The following C8B variants were observed in gnomAD, a reference collection of about 807,000 sequenced individuals.
The protein encoded by C8B is complement C8 beta chain.
C8B carries 67 observed loss-of-function variants against 64.6 expected under a neutral mutation model. The ratio of observed to expected loss-of-function variants is 1.04; its 90% CI spans 0.85 to 1.27. The LOEUF is 1.27. Among genes scored for constraint, C8B ranks in the 50% most tolerant of loss-of-function variants. The probability of loss-of-function intolerance (pLI) is 0.00; values close to 1 mark genes in which losing one functional copy is unlikely to be tolerated. For synonymous variants in C8B, 284 were observed against 257.7 expected (o/e 1.10, Z -0.98); for missense variants, 790 against 725.2 (o/e 1.09, Z -1.03).
intron 1 of C8B, among the ~76,000 whole-genome samples, chr1:56,962,755 C>T (rs1455574972): frequency 1.3e-5 from 2 of 152,224 alleles, no homozygotes; most frequent in East Asian, 3.9e-4. Context: ...ACCTTACCCC[C>T]AGAGGGGCTA....
chr1:56,951,010 TTTCTTGGCTAAAAA>T (rs1206212626), intron 5 of C8B, among the ~76,000 whole-genome samples: 8 of 152,138 alleles, frequency 5.3e-5, no homozygotes, highest in Non-Finnish European at 1.2e-4. Context: ...AAATTTGTTC[TTTCTTGGCTAAAAA>T]GTGTGTTGGG....
At chr1:56,938,823 G>A (rs570590321) in intron 9 of C8B, among the ~76,000 whole-genome samples, 1 of 152,240 alleles carries the variant, frequency 6.6e-6, no homozygotes, top group East Asian at 1.9e-4. Flanking sequence ...CAGCTACCTG[G>A]TAAGTTGGCT....
intron 10 of C8B, among the ~76,000 whole-genome samples, chr1:56,932,135 C>A (rs1366083862): frequency 1.3e-5 from 2 of 152,154 alleles, no homozygotes; most frequent in African/African-American, 4.8e-5. Context: ...GACATTTGAC[C>A]CATACTTAAA....
At chr1:56,941,544 A>G (rs912909180) in intron 8 of C8B, among the ~76,000 whole-genome samples, 4 of 143,312 alleles carry the variant, frequency 2.8e-5, no homozygotes, top group African/African-American at 5.3e-5. Context: ...ATAGATAGAT[A>G]GATAGATAAT....
intron 2 of C8B, chr1:56,959,473 G>T: frequency 4.7e-6 from 5 of 1,072,282 alleles, no homozygotes; most frequent in Non-Finnish European, 6.9e-6. Flanking sequence ...CTGAGTAGGA[G>T]TTTCAAATTG....
At chr1:56,932,888 C>T (rs1395215189) in intron 10 of C8B, among the ~76,000 whole-genome samples, 1 of 152,124 alleles carries the variant, frequency 6.6e-6, no homozygotes, top group African/African-American at 2.4e-5. Flanking sequence ...GCTATCACAA[C>T]AGGAGCATAA....
chr1:56,948,330 T>C (rs989728609), intron 6 of C8B, among the ~76,000 whole-genome samples: 1 of 152,138 alleles, frequency 6.6e-6, no homozygotes, highest in Admixed American at 6.5e-5. Flanking sequence ...TAAACAAATA[T>C]TGAATAGTAA....
Position 56,929,537 on chromosome 1 carries a change from C to T in C8B, c.1643G>A (p.Trp548Ter), listed in dbSNP as rs757959349. 5 of 1,613,864 alleles carry T rather than the reference C, an allele frequency of 3.1e-6. No homozygotes were observed. In the Admixed American group the frequency reaches 6.7e-5, roughly 22 times the overall value. Residue 548 changes from tryptophan to a stop codon, truncating the protein, a stop_gained, in exon 12 of 12, where the codon TGG becomes TAG. Transcript: ENST00000371237. LOFTEE classifies it high-confidence loss of function. ...TGAAGACCAATTTGACCAGCAATTC[C>T]ACTTCCCATCAATGGGGGTATCTAT... ...YRKNTPIDGKWNCWSNWSSCS... is the reference protein window; with the variant it reads ...YRKNTPIDGK
chr1:56,962,184 C>T (rs563061929), intron 1 of C8B, among the ~76,000 whole-genome samples: 3 of 152,148 alleles, frequency 2.0e-5, no homozygotes, highest in South Asian at 4.1e-4. Flanking sequence ...TGTTAATGGG[C>T]AAGATGATCA....
chr1:56,951,185 C>A (rs1319097869), intron 5 of C8B, among the ~76,000 whole-genome samples: 1 of 152,152 alleles, frequency 6.6e-6, no homozygotes, highest in Non-Finnish European at 1.5e-5. Context: ...TCAAGTGATC[C>A]TCCCGCCTCA....
At chr1:56,950,307 A>G (rs1224372774) in intron 5 of C8B, among the ~76,000 whole-genome samples, 1 of 152,222 alleles carries the variant, frequency 6.6e-6, no homozygotes, top group Non-Finnish European at 1.5e-5. Flanking sequence ...TCAGAGAGAC[A>G]AACCCATGAG....
intron 9 of C8B, among the ~76,000 whole-genome samples, chr1:56,938,032 G>A (rs896236800): frequency 2.0e-5 from 3 of 152,142 alleles, no homozygotes; most frequent in African/African-American, 7.2e-5. Flanking sequence ...GCTTTGTTTT[G>A]TTTTCAGTAC....
chr1:56,956,568 G>A (rs1166503014), intron 3 of C8B, among the ~76,000 whole-genome samples: 1 of 152,090 alleles, frequency 6.6e-6, no homozygotes, highest in Non-Finnish European at 1.5e-5. Context: ...TATATAATGA[G>A]GATAATAATA....
chr1:56,949,810 C>CAGTG, intron 5 of C8B, 58 bp from the exon 6 acceptor site: 5 of 1,212,926 alleles, frequency 4.1e-6, no homozygotes, highest in Non-Finnish European at 5.9e-6. Context: ...AGTTCAATAC[C>CAGTG]AGTGAGCAGA....
chr1:56,953,506 C>T (rs977539727), intron 4 of C8B, among the ~76,000 whole-genome samples: 4 of 152,144 alleles, frequency 2.6e-5, no homozygotes, highest in Non-Finnish European at 5.9e-5. Flanking sequence ...AACTGACTAA[C>T]CCAGAGTCTC....
At chr1:56,931,752 C>T (rs1644704319) in intron 11 of C8B, 58 bp downstream of exon 11, 2 of 1,215,834 alleles carry the variant, frequency 1.6e-6, no homozygotes, top group Admixed American at 1.7e-5. Flanking sequence ...GCTCCTTGCT[C>T]TTCTTCTGGT....
intron 7 of C8B, among the ~76,000 whole-genome samples, chr1:56,944,359 T>A (rs1012211095): frequency 3.3e-5 from 5 of 152,218 alleles, no homozygotes; most frequent in African/African-American, 7.2e-5. Context: ...CCCTGAGGCA[T>A]CCTCCTCCTC....
intron 4 of C8B, among the ~76,000 whole-genome samples, chr1:56,954,398 C>T (rs565209259): frequency 4.6e-5 from 7 of 152,218 alleles, no homozygotes; most frequent in Non-Finnish European, 1.0e-4. Context: ...GGCTCCCCTC[C>T]CTACCCCAGC....
chr1:56,950,848 T>A (rs560524830), intron 5 of C8B, among the ~76,000 whole-genome samples: 42 of 152,184 alleles, frequency 2.8e-4, no homozygotes, highest in Non-Finnish European at 5.3e-4. Flanking sequence ...AATGTTGGTA[T>A]GGAGAGCGGA....
Sources: allele counts gnomAD v4.1 joint callset (sites outside exome capture counted in the v4.1 genomes callset), GRCh38; gene constraint gnomAD v4.1.1; transcripts MANE v1.5; gene names NCBI Gene and HGNC (gene_info 2026-07-23, HGNC 2026-07-21).